Variants in NOSTRIN observed in about 807,000 individuals in gnomAD.
The protein encoded by NOSTRIN is nitric oxide synthase trafficking, also known as BM247 homolog.
NOSTRIN carries 63 observed loss-of-function variants against 59.0 expected under a neutral mutation model. That is an observed-to-expected ratio of 1.07 (90% CI 0.87 to 1.32). NOSTRIN has a LOEUF of 1.32. NOSTRIN is among the 40% of genes most tolerant of loss of function. The pLI, the probability that NOSTRIN is intolerant of heterozygous loss-of-function variation, is 0.00. For missense variants in NOSTRIN, 512 were observed against 473.1 expected (o/e 1.08, Z -0.76); for synonymous variants, 200 against 165.4 (o/e 1.21, Z -1.61).
At chr2:168,824,772 G>T (rs1265858717) in intron 3 of NOSTRIN, 55 bp downstream of exon 3, 1 of 776,556 alleles carries the variant, frequency 1.3e-6, no homozygotes, top group Non-Finnish European at 2.3e-6. Flanking sequence ...TTTGTTTTTT[G>T]TTTGTTTGTT....
At position 168,860,887 on chromosome 2, in the gene NOSTRIN, C is replaced by A; in HGVS notation, c.1272C>A (p.Ser424Arg). The A allele has an allele frequency of 1.9e-6, 3 of 1,613,536 alleles. No individual in the cohort carries two copies. The highest frequency in any genetic ancestry group is 2.5e-6 in the Non-Finnish European group (3 of 1,179,490). Reference sequence around the variant, plus strand: ...GCAAGGCATCTTCTGGTGGGCAGAGCAATCCAGGTTCTTCAACTCCAGGTA... The same window carrying A: ...GCAAGGCATCTTCTGGTGGGCAGAGAAATCCAGGTTCTTCAACTCCAGGTA... ...IVSKASSGGQ[S>R]NPGSSTPAPG... is the part of the protein sequence containing the mutation. The change falls in exon 14 of 16, where the codon AGC becomes AGA. Residue 424 changes from serine (S) to arginine (R), a missense_variant. Coordinates refer to ENST00000317647, the MANE Select transcript of NOSTRIN (RefSeq NM_001039724.4).
intron 6 of NOSTRIN, among the ~76,000 whole-genome samples, chr2:168,832,087 T>C (rs760475607): frequency 1.3e-5 from 2 of 152,156 alleles, no homozygotes. Flanking sequence ...GGGTGGGTAG[T>C]GATATGTAAA....
At chr2:168,804,375 G>A (rs192731616) in intron 1 of NOSTRIN, among the ~76,000 whole-genome samples, 33 of 152,206 alleles carry the variant, frequency 2.2e-4, no homozygotes, top group East Asian at 1.4e-3. Context: ...TGGGGAGGGC[G>A]GATATCCCTT....
intron 15 of NOSTRIN, chr2:168,863,326 AAGAAAATGT>A (rs1689597653): frequency 1.2e-6 from 1 of 845,354 alleles, no homozygotes; most frequent in Non-Finnish European, 1.4e-6. Context: ...ATTTATGACT[AAGAAAATGT>A]AGAAAAGATA....
chr2:168,847,139 G>A (rs938626246), intron 8 of NOSTRIN, among the ~76,000 whole-genome samples: 18 of 152,112 alleles, frequency 1.2e-4, no homozygotes, highest in African/African-American at 3.9e-4. Context: ...AGAGACTAAT[G>A]GCACGGGAAA....
chr2:168,829,173 C>A (rs1687223687), intron 5 of NOSTRIN, among the ~76,000 whole-genome samples: 1 of 152,134 alleles, frequency 6.6e-6, no homozygotes, highest in Non-Finnish European at 1.5e-5. Flanking sequence ...GATAATTAAA[C>A]AATCCTTTCA....
At chr2:168,864,574 C>T (rs990143827) in intron 15 of NOSTRIN, among the ~76,000 whole-genome samples, 8 of 152,332 alleles carry the variant, frequency 5.3e-5, no homozygotes, top group Admixed American at 3.3e-4. Flanking sequence ...CGTCACCCAC[C>T]ACGCCCAGCC....
chr2:168,802,571 G>A, upstream of NOSTRIN: 2 of 841,886 alleles, frequency 2.4e-6, no homozygotes, highest in Non-Finnish European at 4.1e-6. Context: ...GGAAGTCCAG[G>A]ACACACCCAA....
Position 168,851,172 on chromosome 2 carries a change from C to A in NOSTRIN, c.719C>A (p.Thr240Asn). The A allele has an allele frequency of 6.2e-7, 1 of 1,614,090 alleles. No individual in the cohort carries two copies. The highest frequency in any genetic ancestry group is 1.1e-5 in the South Asian group (1 of 91,090). ...YSQHISLFGQ[T>N]LTTCHTQIHC... The stretch of plus-strand genomic sequence containing the variant: ...CAACATATTTCTCTTTTTGGCCAAA[C>A]CCTGACCACAGTGAGTAGAGATGAT... Residue 240 changes from threonine to asparagine, a missense_variant, in exon 9 of 16, where the codon ACC becomes AAC. By Grantham distance (65) the Thr-to-Asn change is moderately conservative. Transcript: ENST00000317647.
At chr2:168,809,770 AAAT>A (rs1262173045) in intron 1 of NOSTRIN, among the ~76,000 whole-genome samples, 1 of 148,160 alleles carries the variant, frequency 6.7e-6, no homozygotes, top group Admixed American at 6.8e-5. Flanking sequence ...TATAAAAAAT[AAAT>A]AATAAAAATA....
In NOSTRIN at chr2:168,802,681, G is replaced by A; in HGVS notation, c.27+8G>A. The A allele has an allele frequency of 1.2e-6, 1 of 869,180 alleles. No homozygotes were observed. Among genetic ancestry groups the A allele is most frequent in the Middle Eastern group, 2.2e-4 (1 of 4,604 alleles). 53.8% of individuals were successfully genotyped at this position (869,180 alleles called of 1,614,324 possible). On this transcript the variant is annotated splice_region_variant and intron_variant, in intron 1 of 15. Transcript: ENST00000317647. ...CCACTGACAGATTGTCCGGTGAGTA[G>A]CTCAGTGTGGTTTGTGTGCCTGCGT...
At chr2:168,843,201 C>A in intron 8 of NOSTRIN, 84 bp downstream of exon 8, 1 of 767,168 alleles carries the variant, frequency 1.3e-6, no homozygotes, top group Non-Finnish European at 2.2e-6. Context: ...AGTGACAAGA[C>A]CTGCCCTCTG....
In NOSTRIN at chr2:168,862,056, ATCATTCTCAAATATTT is replaced by A; in HGVS notation, c.1384+9_1384+24del. 2 of 1,612,038 alleles carry A rather than the reference ATCATTCTCAAATATTT, an allele frequency of 1.2e-6. No homozygotes were observed. The highest frequency in any genetic ancestry group is 1.7e-6 in the Non-Finnish European group (2 of 1,178,096). On this transcript the variant is annotated splice_region_variant and intron_variant, in intron 15 of 15. Coordinates refer to ENST00000317647, the MANE Select transcript of NOSTRIN (RefSeq NM_001039724.4). ...GAGTTGAATTTGGAAAAGGGTAAGA[ATCATTCTCAAATATTT>A]TAATTGCCTTCCCATATTGAGATTC...
Position 168,864,856 on chromosome 2 carries a change from GAAA to G in NOSTRIN, c.1411_1413del (p.Lys471del), listed in dbSNP as rs752189148. The stretch of plus-strand genomic sequence containing the variant: ...CAGGTGACATTGTGATTATACACGA[GAAA>G]AAAGAAGGAGGATGGTGGTTTGGAT... On this transcript the variant is annotated inframe_deletion, in exon 16 of 16. Coordinates refer to ENST00000317647, the MANE Select transcript of NOSTRIN (RefSeq NM_001039724.4). 1.2e-6 allele frequency: 2 copies of G among 1,613,856 alleles called. No homozygotes were observed. The highest frequency in any genetic ancestry group is 1.7e-6 in the Non-Finnish European group (2 of 1,179,880).
intron 8 of NOSTRIN, among the ~76,000 whole-genome samples, chr2:168,848,762 T>C (rs1688575044): frequency 6.6e-6 from 1 of 152,126 alleles, no homozygotes; most frequent in South Asian, 2.1e-4. Flanking sequence ...GAAAGTAGAA[T>C]GGTGGTTGCC....
At chr2:168,844,845 A>T (rs578797) in intron 8 of NOSTRIN, among the ~76,000 whole-genome samples, 1 of 151,086 alleles carries the variant, frequency 6.6e-6, no homozygotes, top group African/African-American at 2.4e-5. Context: ...ACACTAGCCT[A>T]GGCGACAGAG....
At chr2:168,807,447 G>A (rs1041678135) in intron 1 of NOSTRIN, among the ~76,000 whole-genome samples, 2 of 152,136 alleles carry the variant, frequency 1.3e-5, no homozygotes, top group African/African-American at 4.8e-5. Flanking sequence ...AATATTCTTA[G>A]CAAATCTTTT....
intron 12 of NOSTRIN, 147 bp from the exon 13 acceptor site, chr2:168,859,365 T>C: frequency 8.0e-7 from 1 of 1,245,690 alleles, no homozygotes; most frequent in East Asian, 2.6e-5. Context: ...CCATTTTTTT[T>C]TCCTTCGGCA....
chr2:168,808,899 A>T (rs755904856), intron 1 of NOSTRIN, among the ~76,000 whole-genome samples: 1 of 152,240 alleles, frequency 6.6e-6, no homozygotes, highest in Admixed American at 6.5e-5. Flanking sequence ...CAAATAAATT[A>T]TGAAAAGGAA....
Sources: allele counts gnomAD v4.1 joint callset (sites outside exome capture counted in the v4.1 genomes callset), GRCh38; gene constraint gnomAD v4.1.1; transcripts MANE v1.5; gene names NCBI Gene and HGNC (gene_info 2026-07-23, HGNC 2026-07-21).